The following PDE4D variants were observed in gnomAD, a reference collection of about 807,000 sequenced individuals.
The protein encoded by PDE4D is 3',5'-cyclic-AMP phosphodiesterase 4D.
Under a neutral mutation model 87.4 loss-of-function variants are expected in PDE4D, and 24 were observed. The observed-to-expected ratio is 0.27, with a 90% confidence interval of 0.20 to 0.39. The LOEUF (loss-of-function observed/expected upper bound fraction) is 0.39, where lower values mean the gene tolerates loss of function less well. PDE4D is among the 10% of genes least tolerant of loss of function. PDE4D has a pLI of 1.00. For synonymous variants in PDE4D, 384 were observed against 383.2 expected (o/e 1.00, Z -0.02); for missense variants, 714 against 1,041.0 (o/e 0.69, Z 4.32).
rs561119425 is a variant in PDE4D at position 59,052,005 on chromosome 5, T to C, written c.809-13034A>G. Among the ~76,000 whole-genome samples the C allele has an allele frequency of 3.8e-4, 58 of 152,322 alleles. No homozygotes were observed. In the South Asian group the frequency reaches 0.011, roughly 30 times the overall value. ...AGTCAAAAAATCCATACATATTTAT[T>C]GAGCCTCTCTGATGTGATAGTTGCT... On this transcript the variant is annotated intron_variant, in intron 5 of 14. Coordinates refer to ENST00000340635, the MANE Select transcript of PDE4D (RefSeq NM_001104631.2).
At chr5:60,468,137 C>CTTTTTTTTTTTTTTTTTTG (rs570783072) in intron 1 of PDE4D, among the ~76,000 whole-genome samples, 4 of 141,218 alleles carry the variant, frequency 2.8e-5, no homozygotes, top group African/African-American at 5.4e-5. Context: ...TTTCTTTTTT[C>CTTTTTTTTTTTTTTTTTTG]TTTTTTTTTT....
At position 60,300,962 on chromosome 5, in the gene PDE4D, G is replaced by A. The variant is rs371506249; in HGVS notation, c.-89-115275C>T. ...ATTTTTGTATTTTTAGTAGACATGGGGTTTCTCCATGTTGGTCAGGGTGGT... is the reference window on the plus strand; with the variant it reads ...ATTTTTGTATTTTTAGTAGACATGGAGTTTCTCCATGTTGGTCAGGGTGGT... On this transcript the variant is annotated intron_variant, in intron 1 of 16. Coordinates refer to the PDE4D transcript ENST00000502484. Among the ~76,000 whole-genome samples the A allele has an allele frequency of 1.1e-4, 17 of 152,112 alleles. No individual in the cohort carries two copies. In the East Asian group the frequency reaches 2.9e-3, roughly 26 times the overall value.
chr5:59,105,742 T>C (rs1163188202), intron 5 of PDE4D, among the ~76,000 whole-genome samples: 2 of 152,208 alleles, frequency 1.3e-5, no homozygotes, highest in Non-Finnish European at 2.9e-5. Flanking sequence ...TCTTGTTAAA[T>C]TGCAGATTCT....
intron 1 of PDE4D, among the ~76,000 whole-genome samples, chr5:60,270,281 A>G (rs562315288): frequency 6.6e-6 from 1 of 152,170 alleles, no homozygotes; most frequent in East Asian, 1.9e-4. Flanking sequence ...AATCTAGGGT[A>G]CTCATTTACA....
intron 5 of PDE4D, among the ~76,000 whole-genome samples, chr5:59,155,021 T>G (rs1779960173): frequency 6.6e-6 from 1 of 152,204 alleles, no homozygotes. Flanking sequence ...AGTCCAGCTC[T>G]GGACATATTG....
At chr5:59,156,331 A>ATATATGTGTGTG (rs1384479557) in intron 5 of PDE4D, among the ~76,000 whole-genome samples, 2 of 122,770 alleles carry the variant, frequency 1.6e-5, no homozygotes, top group African/African-American at 6.8e-5. Context: ...ATATATATAT[A>ATATATGTGTGTG]TGTGTGTGTG....
Position 59,863,069 on chromosome 5 carries a change from G to C in PDE4D, c.455+30099C>G, listed in dbSNP as rs577069560. ...GGATCCATGACCCAAGCAACATTAAGAACTGCTAGGGCATTAGATGATCTT... is the reference window on the plus strand; with the variant it reads ...GGATCCATGACCCAAGCAACATTAACAACTGCTAGGGCATTAGATGATCTT... On this transcript the variant is annotated intron_variant, in intron 1 of 14. Coordinates refer to ENST00000340635, the MANE Select transcript of PDE4D (RefSeq NM_001104631.2). Among the ~76,000 whole-genome samples the C allele has an allele frequency of 1.3e-4, 20 of 152,284 alleles. 1 individual carries two copies. The highest frequency in any genetic ancestry group is 1.3e-3 in the Admixed American group (20 of 15,292).
intron 1 of PDE4D, among the ~76,000 whole-genome samples, chr5:60,261,455 A>G (rs1016962500): frequency 6.6e-6 from 1 of 152,208 alleles, no homozygotes; most frequent in African/African-American, 2.4e-5. Flanking sequence ...AGGAATTTCA[A>G]TATGTAATTA....
At chr5:60,345,954 GTC>G (rs1717459228) in intron 1 of PDE4D, among the ~76,000 whole-genome samples, 1 of 151,660 alleles carries the variant, frequency 6.6e-6, no homozygotes, top group African/African-American at 2.4e-5. Flanking sequence ...TATGTTCATA[GTC>G]TCTTAACAAA....
At chr5:59,395,167 A>G (rs1396098007) in intron 1 of PDE4D, among the ~76,000 whole-genome samples, 3 of 151,562 alleles carry the variant, frequency 2.0e-5, no homozygotes, top group African/African-American at 7.3e-5. Flanking sequence ...GGCGCCCACC[A>G]TTGTCCAGGC....
At chr5:59,529,018 A>C in intron 1 of PDE4D, 1 of 468,644 alleles carries the variant, frequency 2.1e-6, no homozygotes, top group South Asian at 1.5e-5. Context: ...TCAGTACAAC[A>C]ACCAACTCTA....
intron 1 of PDE4D, among the ~76,000 whole-genome samples, chr5:60,188,721 A>T (rs1784981888): frequency 6.6e-6 from 1 of 152,170 alleles, no homozygotes; most frequent in Non-Finnish European, 1.5e-5. Flanking sequence ...TACTCCTGTG[A>T]GGTAGACATT....
intron 1 of PDE4D, among the ~76,000 whole-genome samples, chr5:59,557,367 G>A (rs1452129131): frequency 6.6e-6 from 1 of 152,142 alleles, no homozygotes; most frequent in Non-Finnish European, 1.5e-5. Context: ...TTGTTCCAAT[G>A]GTATCACATA....
At chr5:60,164,927 C>T (rs1782759606) in intron 2 of PDE4D, among the ~76,000 whole-genome samples, 1 of 152,178 alleles carries the variant, frequency 6.6e-6, no homozygotes, top group African/African-American at 2.4e-5. Context: ...CCTAGCATTT[C>T]TCAATAATAC....
intron 1 of PDE4D, among the ~76,000 whole-genome samples, chr5:59,732,952 T>TG (rs1757585948): frequency 7.3e-6 from 1 of 137,436 alleles, no homozygotes; most frequent in Non-Finnish European, 1.6e-5. Context: ...ATGGGCCCAG[T>TG]GATGGTATCC....
Position 59,555,867 on chromosome 5 carries a change from C to T in PDE4D, c.455+337301G>A, listed in dbSNP as rs938310976. Among the ~76,000 whole-genome samples the T allele has an allele frequency of 3.3e-5, 5 of 152,110 alleles. 1 individual carries two copies. The highest frequency in any genetic ancestry group is 1.2e-4 in the African/African-American group (5 of 41,430). ...AAAGGACATTGTTATGAAGCATCCT[C>T]GCCTTGTTTTCAGCTTGTGTGTTTT... On this transcript the variant is annotated intron_variant, in intron 1 of 14. Coordinates refer to ENST00000340635, the MANE Select transcript of PDE4D (RefSeq NM_001104631.2).
chr5:59,793,045 C>G (rs1423568309), intron 1 of PDE4D, among the ~76,000 whole-genome samples: 5 of 152,170 alleles, frequency 3.3e-5, no homozygotes, highest in African/African-American at 1.2e-4. Context: ...AGTGGCAAGA[C>G]AGTCAAATGG....
intron 2 of PDE4D, among the ~76,000 whole-genome samples, chr5:60,016,338 C>G (rs1428884817): frequency 2.0e-5 from 3 of 152,122 alleles, no homozygotes; most frequent in Admixed American, 1.3e-4. Flanking sequence ...AACTTGTACT[C>G]TTTTTGCTGA....
At chr5:59,691,549 A>T (rs1209110270) in intron 1 of PDE4D, among the ~76,000 whole-genome samples, 1 of 125,806 alleles carries the variant, frequency 7.9e-6, no homozygotes, top group Non-Finnish European at 1.6e-5. Context: ...GGTGGGGAAC[A>T]CCACACACCG....
Sources: gnomAD v4.1 joint callset for allele counts (sites outside exome capture counted in the v4.1 genomes callset) on GRCh38, gnomAD v4.1.1 for gene constraint, MANE v1.5 for transcripts, NCBI Gene and HGNC (gene_info 2026-07-23, HGNC 2026-07-21) for gene names.